SSX1: variants seen among roughly 807,000 people sequenced by gnomAD.
SSX1 encodes the protein protein SSX1.
Under a neutral mutation model 14.6 loss-of-function variants are expected in SSX1, and 58 were observed. The observed-to-expected ratio is 3.96, with a 90% CI of 3.21 to 4.93. The LOEUF (loss-of-function observed/expected upper bound fraction) is 4.93. Ranked by LOEUF, SSX1 falls within the 30% of genes most tolerant of loss-of-function variation. SSX1 has a pLI of 0.00. For missense variants in SSX1, 272 were observed against 143.1 expected (o/e 1.90, Z -4.60); for synonymous variants, 46 against 52.1 (o/e 0.88, Z 0.50).
At chrX:48,259,245 C>T (rs782131238) in intron 4 of SSX1, among the ~76,000 whole-genome samples, 1 of 111,697 alleles carries the variant, frequency 9.0e-6, no homozygotes, top group South Asian at 3.8e-4. Context: ...GATCCACCCA[C>T]CTCAGCCTCC....
intron 5 of SSX1, among the ~76,000 whole-genome samples, chrX:48,263,553 C>T (rs186334907): frequency 1.0e-3 from 112 of 111,614 alleles, no homozygotes; most frequent in African/African-American, 3.2e-3. Context: ...CCACGAATGT[C>T]AGTCTTAAAA....
At chrX:48,264,570 C>T (rs1341234152) in intron 6 of SSX1, among the ~76,000 whole-genome samples, 2 of 112,123 alleles carry the variant, frequency 1.8e-5, no homozygotes, top group African/African-American at 3.2e-5. Context: ...GGTCTTGCCT[C>T]GGTGTTGATG....
chrX:48,266,668 CA>C, intron 7 of SSX1, among the ~76,000 whole-genome samples, 185 bp from the exon 8 acceptor site: 1 of 111,660 alleles, frequency 9.0e-6, no homozygotes, highest in Middle Eastern at 4.6e-3. Context: ...ATGCATAAAC[CA>C]GGCGAGGAAG....
intron 4 of SSX1, 28 bp from the exon 5 acceptor site, chrX:48,261,738 A>G (rs782475514): frequency 8.3e-7 from 1 of 1,207,821 alleles, no homozygotes; most frequent in African/African-American, 1.7e-5. Flanking sequence ...TTACCAACAA[A>G]GAAAAATTCT....
chrX:48,257,108 G>C, intron 1 of SSX1, 114 bp from the exon 2 acceptor site: 2 of 685,530 alleles, frequency 2.9e-6, no homozygotes, highest in East Asian at 3.3e-5. Flanking sequence ...GCCCCGAATG[G>C]AGAAATGCAA....
intron 1 of SSX1, among the ~76,000 whole-genome samples, chrX:48,256,543 T>A (rs1422425074): frequency 1.0e-5 from 1 of 97,420 alleles, no homozygotes; most frequent in Non-Finnish European, 2.0e-5. Flanking sequence ...TCAAGAGATC[T>A]GCACGCCTCG....
chrX:48,259,290 C>G (rs1373849127), intron 4 of SSX1, among the ~76,000 whole-genome samples: 1 of 112,053 alleles, frequency 8.9e-6, no homozygotes, highest in African/African-American at 3.2e-5. Context: ...AGCCACTGCA[C>G]CCAGGCCGTT....
rs141917627 is a variant in SSX1 at position 48,264,188 on chromosome X, T to C, written c.466+271T>C. ...TAAGATGGAAATAAAGAATCATAGT[T>C]CGTAAATTGTTTGGAGGCATTAAAT... On this transcript the variant is annotated intron_variant, in intron 6 of 7. Transcript: ENST00000376919. Among the ~76,000 whole-genome samples the C allele has an allele frequency of 8.1e-4, 91 of 112,313 alleles. No homozygotes were observed. The East Asian group carries it at 0.019, about 23-fold the overall frequency.
chrX:48,257,786 G>A lies in SSX1; in HGVS notation c.110G>A (p.Trp37Ter), dbSNP rs782457649. 9.2e-5 allele frequency: 111 copies of A among 1,207,149 alleles called. No individual in the cohort carries two copies. The highest frequency in any genetic ancestry group is 1.1e-4 in the Non-Finnish European group (101 of 892,929). The change falls in exon 3 of 8, where the codon TGG (tryptophan) becomes TAG (stop). Residue 37 changes from tryptophan (W) to a stop codon, truncating the protein, a stop_gained. Coordinates refer to ENST00000376919, the MANE Select transcript of SSX1 (RefSeq NM_005635.4). LOFTEE classifies it high-confidence loss of function. The part of the protein sequence containing the change: ...DIATYFSKKE[W>*]KKMKYSEKIS... ...GCCACATACTTCTCTAAGAAAGAGTGGAAAAAGATGAAATACTCGGAGAAA... is the reference window on the plus strand; with the variant it reads ...GCCACATACTTCTCTAAGAAAGAGTAGAAAAAGATGAAATACTCGGAGAAA...
rs189720108 is a variant in SSX1, at chrX:48,262,599, G to A, written c.330+784G>A. On this transcript the variant is annotated intron_variant, in intron 5 of 7. Transcript: ENST00000376919. ...CCGAGAAGCCCCAGTCCCAGCCCAG[G>A]GGATCCCTCAGAGGCCCCTGAATGA... 2.1e-4 allele frequency among the ~76,000 whole-genome samples: 23 copies of A among 111,357 alleles called. 1 individual carries two copies. The South Asian group carries it at 7.6e-3, about 37-fold the overall frequency.
In SSX1 at chrX:48,257,836, A is replaced by C. The variant is rs1403643567; in HGVS notation, c.160A>C (p.Asn54His). The C allele has an allele frequency of 8.4e-7, 1 of 1,196,893 alleles. No homozygotes were observed. The highest frequency in any genetic ancestry group is 1.8e-5 in the South Asian group (1 of 55,908). ...EKISYVYMKR[N>H]YKAMTKLGFK... ...AATCAGCTATGTGTATATGAAGAGA[A>C]ACTATAAGGCCATGACTAAACTAGG... The change falls in exon 3 of 8, where the codon AAC becomes CAC. Residue 54 changes from asparagine (N) to histidine (H), a missense_variant. Coordinates refer to ENST00000376919, the MANE Select transcript of SSX1 (RefSeq NM_005635.4).
chrX:48,255,777 T>G (rs782341669), intron 1 of SSX1, among the ~76,000 whole-genome samples: 1 of 103,112 alleles, frequency 9.7e-6, no homozygotes, highest in East Asian at 3.1e-4. Flanking sequence ...TTTTTATTTT[T>G]TATTTTTTTA....
chrX:48,256,018 C>A (rs1601944339), intron 1 of SSX1, among the ~76,000 whole-genome samples: 1 of 106,182 alleles, frequency 9.4e-6, no homozygotes, highest in Non-Finnish European at 1.9e-5. Context: ...GCCATTCCGC[C>A]CCTGCTAGTT....
chrX:48,258,448 C>T, intron 3 of SSX1, 88 bp from the exon 4 acceptor site: 1 of 668,229 alleles, frequency 1.5e-6, no homozygotes, highest in East Asian at 3.3e-5. Flanking sequence ...CCTGCCTCAG[C>T]CTCCCAAAGT....
At chrX:48,258,659 G>T in intron 4 of SSX1, 28 bp downstream of exon 4, 1 of 1,097,769 alleles carries the variant, frequency 9.1e-7, no homozygotes, top group African/African-American at 1.8e-5. Context: ...GGCTGGAAAG[G>T]TCTCCTGAAG....
chrX:48,263,042 G>A (rs1257479308), intron 5 of SSX1, among the ~76,000 whole-genome samples: 1 of 110,356 alleles, frequency 9.1e-6, no homozygotes, highest in Non-Finnish European at 1.9e-5. Flanking sequence ...GCTGAGACAG[G>A]GGAATCGCTT....
At chrX:48,263,997 A>G in intron 6 of SSX1, 80 bp downstream of exon 6, 1 of 1,157,237 alleles carries the variant, frequency 8.6e-7, no homozygotes, top group Non-Finnish European at 1.2e-6. Flanking sequence ...TGTGGCATGG[A>G]TCCCAGACAA....
rs1556935920 is a variant in SSX1, at chrX:48,263,772, C to T, written c.331-10C>T. The T allele has an allele frequency of 2.5e-6, 3 of 1,210,732 alleles. No individual in the cohort carries two copies. Among genetic ancestry groups the T allele is most frequent in the Non-Finnish European group, 3.4e-6 (3 of 894,891 alleles). ...TGATACTGTTTATCTGTAACCTTCACATTATAAAGATCATGCCCAAGAAGC... is the reference window on the plus strand; with the variant it reads ...TGATACTGTTTATCTGTAACCTTCATATTATAAAGATCATGCCCAAGAAGC... On this transcript the variant is annotated splice_polypyrimidine_tract_variant and intron_variant, in intron 5 of 7. Coordinates refer to ENST00000376919, the MANE Select transcript of SSX1 (RefSeq NM_005635.4).
intron 3 of SSX1, among the ~76,000 whole-genome samples, chrX:48,258,298 CCTT>C (rs2059591147): frequency 9.7e-6 from 1 of 103,153 alleles, no homozygotes; most frequent in Non-Finnish European, 2.0e-5. Flanking sequence ...CTCAAGCAAT[CCTT>C]CTGCCCAGCC....
Sources: allele counts gnomAD v4.1 joint callset (sites outside exome capture counted in the v4.1 genomes callset), GRCh38; gene constraint gnomAD v4.1.1; transcripts MANE v1.5; gene names NCBI Gene and HGNC (gene_info 2026-07-23, HGNC 2026-07-21).